Variants in GRK3 observed in about 807,000 individuals in gnomAD.
The protein encoded by GRK3 is adrenergic, beta, receptor kinase 2.
A neutral mutation model predicts 95.7 loss-of-function variants in GRK3; 54 were observed. The observed-to-expected ratio is 0.56, with a 90% confidence interval of 0.45 to 0.71. The LOEUF (loss-of-function observed/expected upper bound fraction) is 0.71. GRK3 is among the 30% of genes least tolerant of loss of function. The pLI is 0.00. For synonymous variants in GRK3, 281 were observed against 290.8 expected, an observed-to-expected ratio of 0.97 and a Z score of 0.34; for missense variants, 649 against 851.2, an observed-to-expected ratio of 0.76 and a Z score of 2.96.
At position 25,714,531 on chromosome 22, in the gene GRK3, A is replaced by T; in HGVS notation, c.1615A>T (p.Arg539Trp). The change falls in exon 18 of 21, where the codon AGG becomes TGG. Residue 539 changes from arginine (R) to tryptophan (W), a missense_variant. Coordinates refer to ENST00000324198, the MANE Select transcript of GRK3 (RefSeq NM_005160.4). ...TGCAGACACAGATAAAATCGAGGCC[A>T]GGAAGAGAGCTAAAAATAAGCAACT... ...VNADTDKIEA[R>W]KRAKNKQLGH... 1.2e-6 allele frequency: 2 copies of T among 1,610,912 alleles called. No homozygotes were observed. Among genetic ancestry groups the T allele is most frequent in the Non-Finnish European group, 1.7e-6 (2 of 1,179,102 alleles).
At chr22:25,678,512 G>C (rs754070110) in intron 8 of GRK3, among the ~76,000 whole-genome samples, 1 of 152,060 alleles carries the variant, frequency 6.6e-6, no homozygotes, top group East Asian at 1.9e-4. Flanking sequence ...ACAATTCCTA[G>C]CTGCTAAATA....
chr22:25,626,112 C>T (rs969745846), intron 2 of GRK3, among the ~76,000 whole-genome samples: 1 of 152,170 alleles, frequency 6.6e-6, no homozygotes, highest in African/African-American at 2.4e-5. Context: ...GACCCACTGA[C>T]CCTGTGGGGC....
intron 18 of GRK3, 112 bp downstream of exon 18, chr22:25,714,682 C>A: frequency 9.9e-7 from 1 of 1,010,568 alleles, no homozygotes; most frequent in Non-Finnish European, 1.4e-6. Flanking sequence ...GAGAAGAAAG[C>A]AATGCCATAA....
At chr22:25,710,013 ACC>A (rs2085331585) in intron 16 of GRK3, 49 bp downstream of exon 16, 1 of 1,339,840 alleles carries the variant, frequency 7.5e-7, no homozygotes, top group African/African-American at 1.4e-5. Flanking sequence ...CCCCGCCCTT[ACC>A]CGCTCATCTC....
intron 8 of GRK3, among the ~76,000 whole-genome samples, chr22:25,676,890 C>G (rs1338625358): frequency 6.6e-6 from 1 of 152,102 alleles, no homozygotes; most frequent in African/African-American, 2.4e-5. Context: ...TTCCTGTCAC[C>G]AGGCTGCCAG....
In GRK3 at chr22:25,581,644, T is replaced by A. The variant is rs546529098; in HGVS notation, c.113+16491T>A. Among the ~76,000 whole-genome samples the A allele has an allele frequency of 5.3e-5, 8 of 150,334 alleles. No homozygotes were observed. In the South Asian group the frequency reaches 1.7e-3, roughly 31 times the overall value. ...GACCTGAAGGCTTGCTATAGAAGGA[T>A]GAGAAAAAAAAAATGTAAGAAGGCT... On this transcript the variant is annotated intron_variant, in intron 1 of 20. Transcript: ENST00000324198.
At chr22:25,615,838 G>A (rs1484406262) in intron 2 of GRK3, among the ~76,000 whole-genome samples, 2 of 147,456 alleles carry the variant, frequency 1.4e-5, no homozygotes, top group East Asian at 3.9e-4. Flanking sequence ...TTAAGAAGGT[G>A]CCATTCATAA....
chr22:25,719,211 C>T (rs889928925), intron 19 of GRK3, among the ~76,000 whole-genome samples: 4 of 149,386 alleles, frequency 2.7e-5, no homozygotes, highest in Non-Finnish European at 4.5e-5. Flanking sequence ...AAAAAAAAAA[C>T]TCCATGTGTT....
chr22:25,667,796 G>A lies in GRK3; in HGVS notation c.499G>A (p.Glu167Lys). 2 of 1,596,356 alleles carry A rather than the reference G, an allele frequency of 1.3e-6. No individual in the cohort carries two copies. The highest frequency in any genetic ancestry group is 1.7e-6 in the Non-Finnish European group (2 of 1,164,084). Reference protein sequence around the residue: ...LRGDIFQKFMESDKFTRFCQW... With the variant: ...LRGDIFQKFMKSDKFTRFCQW... ...AGGTGACATTTTTCAAAAATTTATG[G>A]AAAGGTATGAAACTTTATGCATATA... Residue 167 changes from glutamate to lysine, a missense_variant, in exon 6 of 21, where the codon GAA (glutamate) becomes AAA (lysine). Physicochemically the swap from Glu to Lys is moderately conservative, Grantham distance 56. Coordinates refer to ENST00000324198, the MANE Select transcript of GRK3 (RefSeq NM_005160.4).
chr22:25,634,379 G>A (rs767730242), intron 2 of GRK3, among the ~76,000 whole-genome samples: 1 of 152,172 alleles, frequency 6.6e-6, no homozygotes, highest in Non-Finnish European at 1.5e-5. Flanking sequence ...TAGTTGTTTC[G>A]TGGTGCTTGC....
At chr22:25,695,256 C>CACT in intron 13 of GRK3, 42 bp downstream of exon 13, 1 of 1,412,498 alleles carries the variant, frequency 7.1e-7, no homozygotes, top group Non-Finnish European at 1.0e-6. Flanking sequence ...CTCATGGCAG[C>CACT]AGGAGCTTGG....
At chr22:25,687,394 C>A in intron 10 of GRK3, 143 bp from the exon 11 acceptor site, 3 of 747,270 alleles carry the variant, frequency 4.0e-6, no homozygotes, top group Non-Finnish European at 6.3e-6. Flanking sequence ...TGTTGCTAAA[C>A]TACAGGAATG....
chr22:25,713,540 G>A lies in GRK3; in HGVS notation c.1492-868G>A, dbSNP rs2085360595. 2.0e-5 allele frequency among the ~76,000 whole-genome samples: 3 copies of A among 152,070 alleles called. No individual in the cohort carries two copies. In the South Asian group the frequency reaches 6.2e-4, roughly 32 times the overall value. ...TCTTTCTTGCCCTTCTCAGTATTTT[G>A]CCTGTTATGATACCTACCCCTGCTT... On this transcript the variant is annotated intron_variant, in intron 17 of 20. Coordinates refer to ENST00000324198, the MANE Select transcript of GRK3 (RefSeq NM_005160.4).
At chr22:25,645,711 A>G (rs957456093) in intron 3 of GRK3, among the ~76,000 whole-genome samples, 11 of 152,290 alleles carry the variant, frequency 7.2e-5, no homozygotes, top group African/African-American at 1.7e-4. Context: ...TCACGAGGTC[A>G]GGAGATCGAG....
Position 25,579,400 on chromosome 22 carries a change from C to T in GRK3, c.113+14247C>T, listed in dbSNP as rs563642237. Among the ~76,000 whole-genome samples the T allele has an allele frequency of 2.8e-3, 421 of 152,172 alleles. 3 individuals are homozygous for T. The highest frequency in any genetic ancestry group is 9.8e-3 in the African/African-American group (409 of 41,524). On this transcript the variant is annotated intron_variant, in intron 1 of 20. Coordinates refer to ENST00000324198, the MANE Select transcript of GRK3 (RefSeq NM_005160.4). Reference sequence around the variant, plus strand: ...GGGCTCAATGATCTGTTCACCTCAGCCTCTCAAAAAGTTGGGATTGCAGGC... The same window carrying T: ...GGGCTCAATGATCTGTTCACCTCAGTCTCTCAAAAAGTTGGGATTGCAGGC...
At chr22:25,677,344 C>CCAG (rs2085038061) in intron 8 of GRK3, among the ~76,000 whole-genome samples, 1 of 140,798 alleles carries the variant, frequency 7.1e-6, no homozygotes, top group Non-Finnish European at 1.5e-5. Flanking sequence ...CCACTGGACT[C>CCAG]CAGCCTGGGC....
chr22:25,635,432 C>G (rs1241581345), intron 2 of GRK3, among the ~76,000 whole-genome samples: 1 of 152,124 alleles, frequency 6.6e-6, no homozygotes, highest in South Asian at 2.1e-4. Flanking sequence ...ACTGTCTAAT[C>G]CAAAGTCCAT....
rs770705622 is a variant in GRK3 at position 25,663,638 on chromosome 22, A to G, written c.375A>G (p.Ser125=). Residue 125 remains serine (S), a synonymous_variant, in exon 5 of 21, where the codon TCA becomes TCG. Coordinates refer to ENST00000324198, the MANE Select transcript of GRK3 (RefSeq NM_005160.4). ...KELLSCSHPF[S]KQAVEHVQSH... Reference sequence around the variant, plus strand: ...ATTTTTGACTTTGATAGCCTTTCTCAAAGCAAGCTGTAGAACACGTACAAA... The same window carrying G: ...ATTTTTGACTTTGATAGCCTTTCTCGAAGCAAGCTGTAGAACACGTACAAA... The G allele has an allele frequency of 5.6e-6, 9 of 1,604,958 alleles. No homozygotes were observed. Among genetic ancestry groups the G allele is most frequent in the Non-Finnish European group, 7.7e-6 (9 of 1,176,106 alleles).
chr22:25,674,638 G>A, intron 8 of GRK3, 110 bp downstream of exon 8: 1 of 833,650 alleles, frequency 1.2e-6, no homozygotes, highest in South Asian at 1.7e-5. Context: ...TTCTTTTGAA[G>A]TACTTTACCT....
Sources: gnomAD v4.1 joint callset for allele counts (sites outside exome capture counted in the v4.1 genomes callset) on GRCh38, gnomAD v4.1.1 for gene constraint, MANE v1.5 for transcripts, NCBI Gene and HGNC (gene_info 2026-07-23, HGNC 2026-07-21) for gene names.